The following DENND4C variants were observed in gnomAD, a reference collection of about 807,000 sequenced individuals.
DENND4C encodes DENN domain containing 4C.
A neutral mutation model predicts 203.0 loss-of-function variants in DENND4C; 108 were observed. That is an observed-to-expected ratio of 0.53 (90% CI 0.46 to 0.62). The LOEUF is 0.62. Ranked by LOEUF, DENND4C falls within the 20% of genes least tolerant of loss-of-function variation. DENND4C has a pLI of 0.00. For synonymous variants in DENND4C, 871 were observed against 792.4 expected, an observed-to-expected ratio of 1.10 and a Z score of -1.67; for missense variants, 2,481 against 2,301.2, an observed-to-expected ratio of 1.08 and a Z score of -1.60.
At chr9:19,283,313 C>T (rs562249177) in intron 2 of DENND4C, among the ~76,000 whole-genome samples, 1 of 152,282 alleles carries the variant, frequency 6.6e-6, no homozygotes, top group East Asian at 1.9e-4. Context: ...CAGTAACCCA[C>T]ATAGAGCTGT....
chr9:19,237,748 G>A (rs1039468952), intron 1 of DENND4C, among the ~76,000 whole-genome samples: 16 of 151,974 alleles, frequency 1.1e-4, no homozygotes, highest in African/African-American at 3.1e-4. Context: ...GCCTATTGCC[G>A]CTGGCTAGAT....
intron 22 of DENND4C, among the ~76,000 whole-genome samples, chr9:19,343,788 G>A (rs765405768): frequency 1.3e-4 from 20 of 152,342 alleles, no homozygotes; most frequent in Non-Finnish European, 2.8e-4. Flanking sequence ...TCTGTGGACT[G>A]TTGTGTTTCC....
At chr9:19,277,036 C>T (rs1833021382) in intron 2 of DENND4C, among the ~76,000 whole-genome samples, 1 of 152,012 alleles carries the variant, frequency 6.6e-6, no homozygotes. Context: ...TACAAAGGTC[C>T]ACCCTTTCCC....
chr9:19,268,978 T>C (rs1165388797), intron 1 of DENND4C, among the ~76,000 whole-genome samples: 1 of 152,150 alleles, frequency 6.6e-6, no homozygotes, highest in Non-Finnish European at 1.5e-5. Flanking sequence ...TCTTTCTCTA[T>C]GTTTGGGAAG....
At position 19,352,196 on chromosome 9, in the gene DENND4C, A is replaced by G; in HGVS notation, c.4605+14A>G. The stretch of plus-strand genomic sequence containing the variant: ...TGTGCAATGGAGGTAAAAGTTCTAT[A>G]TTCAGTTCATGATAAAGTAGCTGTA... On this transcript the variant is annotated intron_variant, in intron 25 of 32. Coordinates refer to ENST00000434457, the MANE Select transcript of DENND4C (RefSeq NM_001330640.2). 1 of 1,599,500 alleles carries G rather than the reference A, an allele frequency of 6.3e-7. No homozygotes were observed. The highest frequency in any genetic ancestry group is 8.6e-7 in the Non-Finnish European group (1 of 1,167,530).
chr9:19,283,584 A>T (rs535848663), intron 2 of DENND4C, among the ~76,000 whole-genome samples: 4 of 149,410 alleles, frequency 2.7e-5, no homozygotes, highest in Non-Finnish European at 4.5e-5. Flanking sequence ...GTTATCTTAT[A>T]TATCAGATGC....
intron 31 of DENND4C, among the ~76,000 whole-genome samples, chr9:19,370,879 C>T (rs952144686): frequency 5.3e-5 from 8 of 152,198 alleles, no homozygotes; most frequent in African/African-American, 1.7e-4. Flanking sequence ...TTTTTTAGGT[C>T]ATGGCATCTT....
intron 10 of DENND4C, among the ~76,000 whole-genome samples, chr9:19,314,517 A>T (rs1355404774): frequency 6.6e-6 from 1 of 152,188 alleles, no homozygotes; most frequent in African/African-American, 2.4e-5. Context: ...CCACTAAAGA[A>T]CTAATTCATG....
Position 19,361,838 on chromosome 9 carries a change from T to G in DENND4C, c.5407-8T>G, listed in dbSNP as rs751417000. The G allele has an allele frequency of 2.0e-6, 3 of 1,523,552 alleles. No homozygotes were observed. Among genetic ancestry groups the G allele is most frequent in the Non-Finnish European group, 2.7e-6 (3 of 1,098,564 alleles). 94.4% of individuals were successfully genotyped at this position (1,523,552 alleles called of 1,614,324 possible). A position where few individuals can be genotyped will look rare whatever the true frequency, so the allele number is the denominator to read the frequency against. ...GGGATACTAATACTTTCTTTTGATTTCTTTTAGCTTCCTCTGTCATCTCTG... is the reference window on the plus strand; with the variant it reads ...GGGATACTAATACTTTCTTTTGATTGCTTTTAGCTTCCTCTGTCATCTCTG... On this transcript the variant is annotated splice_region_variant and splice_polypyrimidine_tract_variant and intron_variant, in intron 29 of 32. Transcript: ENST00000434457.
intron 10 of DENND4C, among the ~76,000 whole-genome samples, chr9:19,310,670 AT>A (rs1840563205): frequency 2.0e-5 from 3 of 152,134 alleles, no homozygotes; most frequent in Admixed American, 2.0e-4. Flanking sequence ...TAGATACTGA[AT>A]TTTATAAATA....
intron 1 of DENND4C, among the ~76,000 whole-genome samples, chr9:19,274,152 A>G (rs1019494735): frequency 2.1e-4 from 32 of 152,052 alleles, no homozygotes; most frequent in African/African-American, 6.1e-4. Flanking sequence ...GAAGCCAGAG[A>G]AAAAAGAATA....
Position 19,358,316 on chromosome 9 carries a change from A to G in DENND4C, c.5160+156A>G, listed in dbSNP as rs1417904796. Among the ~76,000 whole-genome samples, 2 of 152,206 alleles carry G rather than the reference A, an allele frequency of 1.3e-5. No homozygotes were observed. The highest frequency in any genetic ancestry group is 4.8e-5 in the African/African-American group (2 of 41,456). On this transcript the variant is annotated intron_variant, in intron 28 of 32. Coordinates refer to ENST00000434457, the MANE Select transcript of DENND4C (RefSeq NM_001330640.2). This position sits in a 1 kb window ranked among gnomAD's most constrained non-coding sequence, Gnocchi z 4.8. ...AACTTTTTATTGTGGAGAATTTCAA[A>G]TATGTACAAAAAGAAACAGTATAAT...
intron 26 of DENND4C, among the ~76,000 whole-genome samples, chr9:19,356,465 G>T (rs1049051922): frequency 2.0e-5 from 3 of 151,946 alleles, no homozygotes; most frequent in Non-Finnish European, 4.4e-5. Context: ...CCCACCCAAA[G>T]AGAGAAGGAG....
At chr9:19,333,126 T>G (rs761370985) in intron 17 of DENND4C, among the ~76,000 whole-genome samples, 1 of 152,082 alleles carries the variant, frequency 6.6e-6, no homozygotes, top group Non-Finnish European at 1.5e-5. Context: ...GTGATTTTCC[T>G]GCCTCAGCCT....
chr9:19,303,787 C>T (rs1021552629), intron 9 of DENND4C, among the ~76,000 whole-genome samples: 1 of 152,022 alleles, frequency 6.6e-6, no homozygotes, highest in Non-Finnish European at 1.5e-5. Context: ...TAAAAGATAA[C>T]AGGGATTTTT....
At chr9:19,256,309 G>T (rs78522247) in intron 1 of DENND4C, among the ~76,000 whole-genome samples, 1,026 of 84,598 alleles carry the variant, frequency 0.012, 6 homozygotes, top group Middle Eastern at 0.037. Context: ...TTTTTTTTTT[G>T]TTTTTTTTTT....
chr9:19,315,828 C>A (rs918263987), intron 10 of DENND4C, among the ~76,000 whole-genome samples: 1 of 151,864 alleles, frequency 6.6e-6, no homozygotes, highest in Non-Finnish European at 1.5e-5. Flanking sequence ...GCCTCAGCCT[C>A]CTGAGTAGCT....
chr9:19,315,065 C>T (rs900897435), intron 10 of DENND4C, among the ~76,000 whole-genome samples: 11 of 148,050 alleles, frequency 7.4e-5, no homozygotes, highest in African/African-American at 2.5e-4. Context: ...GAGGCTGAGG[C>T]AGGAGAATCG....
intron 5 of DENND4C, among the ~76,000 whole-genome samples, chr9:19,293,908 G>T (rs573366669): frequency 4.5e-4 from 68 of 152,342 alleles, no homozygotes; most frequent in Admixed American, 1.4e-3. Context: ...TAGGGCTTCA[G>T]TAGTTGCTTT....
Sources: allele counts gnomAD v4.1 joint callset (sites outside exome capture counted in the v4.1 genomes callset), GRCh38; gene constraint gnomAD v4.1.1; non-coding constraint Gnocchi (gnomAD v3.1); transcripts MANE v1.5; gene names NCBI Gene and HGNC (gene_info 2026-07-23, HGNC 2026-07-21).